HOXD11: variants seen among roughly 807,000 people sequenced by gnomAD.
HOXD11 encodes the protein homeobox D11, also known as homeobox protein Hox-D11.
HOXD11 carries 16 observed loss-of-function variants against 23.1 expected under a neutral mutation model. The observed-to-expected ratio is 0.69, with a 90% CI of 0.47 to 1.05. The LOEUF (loss-of-function observed/expected upper bound fraction) is 1.05. HOXD11 is among the 50% of genes least tolerant of loss of function. The pLI, the probability that HOXD11 is intolerant of heterozygous loss-of-function variation, is 0.00. For synonymous variants in HOXD11, 262 were observed against 224.4 expected, an observed-to-expected ratio of 1.17 and a Z score of -1.50; for missense variants, 564 against 495.6, an observed-to-expected ratio of 1.14 and a Z score of -1.31.
downstream of HOXD11, among the ~76,000 whole-genome samples, chr2:176,112,194 T>C (rs1341616190): frequency 3.3e-5 from 5 of 152,232 alleles, no homozygotes; most frequent in African/African-American, 7.2e-5. Context: ...GACAGAAAAC[T>C]GGCCACCCTT....
At position 176,109,207 on chromosome 2, in the gene HOXD11, C is replaced by T; in HGVS notation, c.*65C>T. ...ACCCTCCTTCCCACCAGCCTGCTCT[C>T]CGCAGGCCCACTGTCCTTGGGTTTA... On this transcript the variant is annotated 3_prime_UTR_variant, in exon 2 of 2. Transcript: ENST00000249504. 1 of 947,630 alleles carries T rather than the reference C, an allele frequency of 1.1e-6. No individual in the cohort carries two copies. The highest frequency in any genetic ancestry group is 1.7e-6 in the Non-Finnish European group (1 of 585,436). 58.7% of individuals were successfully genotyped at this position (947,630 alleles called of 1,614,324 possible). A position where few individuals can be genotyped will look rare whatever the true frequency, so the allele number is the denominator to read the frequency against.
In HOXD11 at chr2:176,108,160, C is replaced by T. The variant is rs1357903614; in HGVS notation, c.781+24C>T. 6 of 246,400 alleles carry T rather than the reference C, an allele frequency of 2.4e-5. No homozygotes were observed. The African/African-American group carries it at 3.9e-4, about 16-fold the overall frequency. 15.3% of individuals were successfully genotyped at this position (246,400 alleles called of 1,614,324 possible). On this transcript the variant is annotated intron_variant, in intron 1 of 1. Coordinates refer to ENST00000249504, the MANE Select transcript of HOXD11 (RefSeq NM_021192.3). The stretch of plus-strand genomic sequence containing the variant: ...AGGTAGGCACCGGGTACTGGGCAAG[C>T]GGTGGGCCCGGGGGCCGCGGGGGAG...
Position 176,107,485 on chromosome 2 carries a change from A to G in HOXD11, c.130A>G (p.Thr44Ala), listed in dbSNP as rs777628071. 86 of 1,613,598 alleles carry G rather than the reference A, an allele frequency of 5.3e-5. No homozygotes were observed. Among genetic ancestry groups the G allele is most frequent in the Admixed American group, 1.0e-4 (6 of 59,992 alleles). The change falls in exon 1 of 2, where the codon ACT becomes GCT. Residue 44 changes from threonine (T) to alanine (A), a missense_variant. Thr to Ala is a moderately conservative substitution (Grantham distance 58, BLOSUM62 0). Transcript: ENST00000249504. Reference protein sequence around the residue: ...FLSQPSSCQMTFPYSSNLAPH... With the variant: ...FLSQPSSCQMAFPYSSNLAPH... ...TTCCCAACCGTCGTCCTGCCAGATG[A>G]CTTTCCCCTACTCTTCCAACCTGGC...
intron 1 of HOXD11, 193 bp from the exon 2 acceptor site, chr2:176,108,714 T>A: frequency 3.7e-6 from 2 of 536,912 alleles, no homozygotes; most frequent in Non-Finnish European, 6.7e-6. Context: ...CGTGAACACA[T>A]GTCCACGCCC....
In HOXD11 at chr2:176,109,095, C is replaced by T; in HGVS notation, c.970C>T (p.Leu324=). The change falls in exon 2 of 2, where the codon CTG becomes TTG. Residue 324 remains leucine, a synonymous_variant. Coordinates refer to ENST00000249504, the MANE Select transcript of HOXD11 (RefSeq NM_021192.3). ...FQNRRMKEKK[L]NRDRLQYFTG... is the part of the protein sequence containing the mutation. ...GAATCGCAGGATGAAAGAAAAGAAA[C>T]TGAACAGAGACCGTCTGCAGTATTT... 3.7e-6 allele frequency: 6 copies of T among 1,614,090 alleles called. No homozygotes were observed. Among genetic ancestry groups the T allele is most frequent in the Non-Finnish European group, 4.2e-6 (5 of 1,179,928 alleles).
rs1330387981 is a variant in HOXD11 at position 176,107,966 on chromosome 2, C to T, written c.611C>T (p.Pro204Leu). The change falls in exon 1 of 2, where the codon CCC becomes CTC. Residue 204 changes from proline (P) to leucine (L), a missense_variant. Physicochemically the swap from Pro to Leu is moderately conservative, Grantham distance 98. Transcript: ENST00000249504. Reference sequence around the variant, plus strand: ...CCGCCGCCACCCGCGCCGCCACAGCCCGAGGGCGCAGCCGACAAGGGCGAC... The same window carrying T: ...CCGCCGCCACCCGCGCCGCCACAGCTCGAGGGCGCAGCCGACAAGGGCGAC... Reference protein sequence around the residue: ...QPPPPPAPPQPEGAADKGDPR... With the variant: ...QPPPPPAPPQLEGAADKGDPR... 2.1e-6 allele frequency: 3 copies of T among 1,425,602 alleles called. No homozygotes were observed. The highest frequency in any genetic ancestry group is 2.7e-6 in the Non-Finnish European group (3 of 1,093,876). 88.3% of individuals were successfully genotyped at this position (1,425,602 alleles called of 1,614,324 possible). A position where few individuals can be genotyped will look rare whatever the true frequency, so the allele number is the denominator to read the frequency against.
the HOXD11 span, among the ~76,000 whole-genome samples, chr2:176,115,457 C>T: frequency 1.1e-4 from 17 of 152,182 alleles, no homozygotes; most frequent in Admixed American, 8.5e-4. Context: ...ATAAAGCGAA[C>T]GCCATTATGG....
Position 176,109,184 on chromosome 2 carries a change from C to T in HOXD11, c.*42C>T, listed in dbSNP as rs982481186. ...CCTCACCCCAGCCCCACTCACCCAC[C>T]CTCCTTCCCACCAGCCTGCTCTCCG... On this transcript the variant is annotated 3_prime_UTR_variant, in exon 2 of 2. Transcript: ENST00000249504. 4 of 1,217,248 alleles carry T rather than the reference C, an allele frequency of 3.3e-6. No individual in the cohort carries two copies. In the African/African-American group the frequency reaches 6.0e-5, roughly 18 times the overall value. The allele number at this position is 1,217,248 out of a possible 1,614,324, so 75.4% of individuals were successfully genotyped here. A position where few individuals can be genotyped will look rare whatever the true frequency, so the allele number is the denominator to read the frequency against.
downstream of HOXD11, among the ~76,000 whole-genome samples, chr2:176,114,318 T>TA (rs1689718239): frequency 6.6e-6 from 1 of 152,070 alleles, no homozygotes; most frequent in Non-Finnish European, 1.5e-5. Context: ...AGTCAAAAGT[T>TA]ATGTTTTGTC....
rs1689588947 is a variant in HOXD11, at chr2:176,107,291, T to C, written c.-65T>C. On this transcript the variant is annotated 5_prime_UTR_variant, in exon 1 of 2. Transcript: ENST00000249504. ...ATCCTGGCCCAAGCCTCTTGTGCAATCGATGGCTCAGGTTGGCTGCGCGGG... is the reference window on the plus strand; with the variant it reads ...ATCCTGGCCCAAGCCTCTTGTGCAACCGATGGCTCAGGTTGGCTGCGCGGG... The C allele has an allele frequency of 6.4e-7, 1 of 1,555,804 alleles. No individual in the cohort carries two copies. The highest frequency in any genetic ancestry group is 8.7e-7 in the Non-Finnish European group (1 of 1,149,528).
At chr2:176,108,236 T>G (rs1283418564) in intron 1 of HOXD11, 100 bp downstream of exon 1, 3 of 780,200 alleles carry the variant, frequency 3.8e-6, no homozygotes, top group South Asian at 2.8e-5. Flanking sequence ...TGTGCTACTT[T>G]ATAAGCATTC....
In HOXD11 at chr2:176,108,079, G is replaced by T; in HGVS notation, c.724G>T (p.Gly242Cys). 1 of 1,476,160 alleles carries T rather than the reference G, an allele frequency of 6.8e-7. No homozygotes were observed. Among genetic ancestry groups the T allele is most frequent in the Non-Finnish European group, 8.9e-7 (1 of 1,120,150 alleles). 91.4% of individuals were successfully genotyped at this position (1,476,160 alleles called of 1,614,324 possible). Residue 242 changes from glycine to cysteine, a missense_variant, in exon 1 of 2, where the codon GGT becomes TGT. Transcript: ENST00000249504. Reference protein sequence around the residue: ...SEPKGAAEGSGGDGEGPPGEA... With the variant: ...SEPKGAAEGSCGDGEGPPGEA... ...GCCCAAGGGGGCAGCAGAAGGCAGC[G>T]GTGGCGACGGCGAGGGCCCCCCGGG... is the stretch of plus-strand genomic sequence containing the variant.
At chr2:176,111,843 A>AAAAAAAAAAAAAAAAAAC (rs1559115548), downstream of HOXD11, among the ~76,000 whole-genome samples, 1 of 148,096 alleles carries the variant, frequency 6.8e-6, no homozygotes, top group African/African-American at 2.5e-5. Flanking sequence ...AAAAAAAAAA[A>AAAAAAAAAAAAAAAAAAC]AAAAAACCTT....
chr2:176,108,611 A>G (rs1016866419), intron 1 of HOXD11, among the ~76,000 whole-genome samples: 1 of 151,018 alleles, frequency 6.6e-6, no homozygotes, highest in African/African-American at 2.4e-5. Context: ...CTCAGGTTCC[A>G]GTTTAGAGCC....
At chr2:176,114,544 A>C (rs1689721313), downstream of HOXD11, among the ~76,000 whole-genome samples, 1 of 152,132 alleles carries the variant, frequency 6.6e-6, no homozygotes, top group East Asian at 1.9e-4. Flanking sequence ...GTTTTTTAAA[A>C]GAGGTTATTG....
chr2:176,108,041 C>T lies in HOXD11; in HGVS notation c.686C>T (p.Thr229Ile). The change falls in exon 1 of 2, where the codon ACC becomes ATC. Residue 229 changes from threonine to isoleucine, a missense_variant. Transcript: ENST00000249504. ...GGGGSPCTKA[T>I]PGSEPKGAAE... ...GGGGGCAGTCCCTGCACCAAGGCGACCCCTGGCTCGGAGCCCAAGGGGGCA... is the reference window on the plus strand; with the variant it reads ...GGGGGCAGTCCCTGCACCAAGGCGATCCCTGGCTCGGAGCCCAAGGGGGCA... The T allele has an allele frequency of 6.7e-7, 1 of 1,490,290 alleles. No individual in the cohort carries two copies. The highest frequency in any genetic ancestry group is 8.9e-7 in the Non-Finnish European group (1 of 1,125,914). 92.3% of individuals were successfully genotyped at this position (1,490,290 alleles called of 1,614,324 possible).
rs1278179899 is a variant in HOXD11 at position 176,107,655 on chromosome 2, G to A, written c.300G>A (p.Ala100=). 70 of 976,278 alleles carry A rather than the reference G, an allele frequency of 7.2e-5. No homozygotes were observed. The highest frequency in any genetic ancestry group is 8.5e-5 in the Non-Finnish European group (70 of 823,714). The allele number at this position is 976,278 out of a possible 1,614,324, so 60.5% of individuals were successfully genotyped here. A position where few individuals can be genotyped will look rare whatever the true frequency, so the allele number is the denominator to read the frequency against. The part of the protein sequence containing the change: ...GGGPGGGGGG[A]GGYAPYYAAA... ...GCCCCGGCGGGGGCGGCGGCGGCGCGGGGGGCTACGCTCCCTACTACGCGG... is the reference window on the plus strand; with the variant it reads ...GCCCCGGCGGGGGCGGCGGCGGCGCAGGGGGCTACGCTCCCTACTACGCGG... The change falls in exon 1 of 2, where the codon GCG becomes GCA. Residue 100 remains alanine, a synonymous_variant. Transcript: ENST00000249504.
chr2:176,108,159 G>A (rs1171062456), intron 1 of HOXD11, 23 bp downstream of exon 1: 10 of 1,200,826 alleles, frequency 8.3e-6, no homozygotes, highest in Middle Eastern at 6.3e-4. Context: ...TACTGGGCAA[G>A]CGGTGGGCCC....
chr2:176,114,640 G>T (rs1689722800), downstream of HOXD11, among the ~76,000 whole-genome samples: 1 of 152,138 alleles, frequency 6.6e-6, no homozygotes, highest in Admixed American at 6.5e-5. Context: ...CAGGCCAGGG[G>T]AGATTCCTTT....
Sources: allele counts gnomAD v4.1 joint callset (sites outside exome capture counted in the v4.1 genomes callset), GRCh38; gene constraint gnomAD v4.1.1; transcripts MANE v1.5; gene names NCBI Gene and HGNC (gene_info 2026-07-23, HGNC 2026-07-21).